The following OCIAD2 variants were observed in gnomAD, a reference collection of about 807,000 sequenced individuals.
OCIAD2 encodes OCIA domain-containing protein 2.
In OCIAD2, 29 loss-of-function variants were observed where a neutral mutation model predicts 22.9. That is an observed-to-expected ratio of 1.27 (90% confidence interval 0.94 to 1.73). The LOEUF is 1.73. Ranked by LOEUF, OCIAD2 falls within the 40% of genes most tolerant of loss-of-function variation. The probability of loss-of-function intolerance (pLI) is 0.00; values close to 1 mark genes in which losing one functional copy is unlikely to be tolerated. For synonymous variants in OCIAD2, 67 were observed against 60.2 expected (o/e 1.11, Z -0.52); for missense variants, 189 against 180.3 (o/e 1.05, Z -0.28).
At chr4:48,895,280 T>C (rs2046810947) in intron 4 of OCIAD2, among the ~76,000 whole-genome samples, 2 of 152,220 alleles carry the variant, frequency 1.3e-5, no homozygotes, top group Admixed American at 1.3e-4. Context: ...GTTAGAGAAG[T>C]TATAGAAAAC....
At chr4:48,901,461 G>T (rs1299228809) in intron 2 of OCIAD2, among the ~76,000 whole-genome samples, 1 of 124,378 alleles carries the variant, frequency 8.0e-6, no homozygotes, top group Non-Finnish European at 1.7e-5. Flanking sequence ...GCTAGGTATG[G>T]GTAAAGAAGA....
At chr4:48,889,137 T>C (rs1043251054) in intron 6 of OCIAD2, among the ~76,000 whole-genome samples, 18 of 152,376 alleles carry the variant, frequency 1.2e-4, no homozygotes, top group African/African-American at 4.3e-4. Flanking sequence ...GAGGTGTTTA[T>C]AGTATTCTCT....
rs535672780 is a variant in OCIAD2 at position 48,886,561 on chromosome 4, G to A, written c.384-996C>T. 3.2e-3 allele frequency among the ~76,000 whole-genome samples: 465 copies of A among 143,378 alleles called. 1 individual carries two copies. Among genetic ancestry groups the A allele is most frequent in the African/African-American group, 0.011 (435 of 38,366 alleles). 94.1% of individuals were successfully genotyped at this position (143,378 alleles called of 152,430 possible). A position where few individuals can be genotyped will look rare whatever the true frequency, so the allele number is the denominator to read the frequency against. On this transcript the variant is annotated intron_variant, in intron 6 of 6. Transcript: ENST00000508632. ...TGTGTTCAAGTGTTCTCATTGTTCA[G>A]TTCCCACCTATGAGTGAGAACATGC...
Position 48,894,023 on chromosome 4 carries a change from G to A in OCIAD2, c.248C>T (p.Ser83Leu). The A allele has an allele frequency of 1.3e-6, 2 of 1,514,878 alleles. No homozygotes were observed. The highest frequency in any genetic ancestry group is 1.8e-6 in the Non-Finnish European group (2 of 1,125,870). 93.8% of individuals were successfully genotyped at this position (1,514,878 alleles called of 1,614,324 possible). The change falls in exon 5 of 7, where the codon TCA (serine) becomes TTA (leucine). Residue 83 changes from serine to leucine, a missense_variant. Transcript: ENST00000508632. ...TGACTTACGTGCAACTTTGGGCAAT[G>A]ATCCAAATCTAGAATTAGCTGCCAA... ...GYLAANSRFG[S>L]LPKVALAGLL...
intron 3 of OCIAD2, among the ~76,000 whole-genome samples, 154 bp from the exon 4 acceptor site, chr4:48,898,011 A>G (rs960989266): frequency 1.3e-5 from 2 of 152,222 alleles, no homozygotes; most frequent in African/African-American, 4.8e-5. Flanking sequence ...ATATTTATTA[A>G]GTGCAGCATG....
At chr4:48,889,503 A>G (rs774798278) in intron 6 of OCIAD2, among the ~76,000 whole-genome samples, 9 of 152,268 alleles carry the variant, frequency 5.9e-5, no homozygotes, top group Non-Finnish European at 1.2e-4. Flanking sequence ...GACACATGAA[A>G]AAGGCTCACC....
chr4:48,895,810 T>G (rs1200661487), intron 4 of OCIAD2, among the ~76,000 whole-genome samples: 1 of 152,124 alleles, frequency 6.6e-6, no homozygotes, highest in African/African-American at 2.4e-5. Context: ...GGTGGGCAGA[T>G]CACTTGAGGT....
intron 4 of OCIAD2, 22 bp from the exon 5 acceptor site, chr4:48,894,075 C>T (rs1560458736): frequency 3.2e-6 from 4 of 1,243,954 alleles, no homozygotes; most frequent in Non-Finnish European, 3.3e-6. Context: ...TAAAGAAAAA[C>T]ATTATTATTT....
chr4:48,892,406 T>A (rs1239608407), intron 6 of OCIAD2, among the ~76,000 whole-genome samples: 3 of 152,150 alleles, frequency 2.0e-5, no homozygotes, highest in Non-Finnish European at 2.9e-5. Flanking sequence ...TTTAGAATCA[T>A]GATATATACA....
intron 3 of OCIAD2, among the ~76,000 whole-genome samples, chr4:48,898,379 C>T (rs1027089093): frequency 8.5e-5 from 13 of 152,160 alleles, no homozygotes; most frequent in African/African-American, 3.1e-4. Flanking sequence ...GATTTGCAAA[C>T]ATTATGACTC....
intron 4 of OCIAD2, among the ~76,000 whole-genome samples, chr4:48,895,095 A>T (rs1319909690): frequency 6.6e-6 from 1 of 152,220 alleles, no homozygotes; most frequent in African/African-American, 2.4e-5. Flanking sequence ...CCACCGGTTA[A>T]GAAATATGCA....
intron 6 of OCIAD2, among the ~76,000 whole-genome samples, chr4:48,888,693 A>T (rs1335192129): frequency 6.6e-6 from 1 of 152,140 alleles, no homozygotes; most frequent in Non-Finnish European, 1.5e-5. Context: ...AGCCCACTTG[A>T]TCATGGTGGA....
chr4:48,905,058 G>T (rs1781496909), intron 1 of OCIAD2, among the ~76,000 whole-genome samples: 2 of 152,202 alleles, frequency 1.3e-5, no homozygotes, highest in African/African-American at 4.8e-5. Flanking sequence ...GAGGATCTGT[G>T]GAGGGTAGAT....
chr4:48,885,682 G>T, intron 6 of OCIAD2, 117 bp from the exon 7 acceptor site: 1 of 636,180 alleles, frequency 1.6e-6, no homozygotes, highest in Non-Finnish European at 2.8e-6. Context: ...GATGTGGGGG[G>T]AGTCTATCTA....
intron 2 of OCIAD2, among the ~76,000 whole-genome samples, chr4:48,903,862 G>T (rs1345141147): frequency 1.3e-5 from 2 of 151,834 alleles, no homozygotes; most frequent in Non-Finnish European, 2.9e-5. Context: ...GGCCAGGATG[G>T]TCTCGATCTC....
chr4:48,902,571 G>T (rs564707158), intron 2 of OCIAD2, among the ~76,000 whole-genome samples: 1 of 152,294 alleles, frequency 6.6e-6, no homozygotes, highest in South Asian at 2.1e-4. Context: ...GCCTCCAGAT[G>T]CCCAGGGTGA....
At chr4:48,888,312 A>G (rs985929412) in intron 6 of OCIAD2, among the ~76,000 whole-genome samples, 1 of 152,108 alleles carries the variant, frequency 6.6e-6, no homozygotes, top group African/African-American at 2.4e-5. Context: ...TCTTTTCCTA[A>G]TTGAATACCC....
chr4:48,889,707 A>C (rs1165245751), intron 6 of OCIAD2, among the ~76,000 whole-genome samples: 1 of 152,220 alleles, frequency 6.6e-6, no homozygotes, highest in African/African-American at 2.4e-5. Flanking sequence ...GCAATTCCTC[A>C]AGGATCTAGA....
rs938991336 is a variant in OCIAD2, at chr4:48,900,129, C to G, written c.67-204G>C. Reference sequence around the variant, plus strand: ...ACTTAGGCAACAGAAGAATTCTAGTCGGAGAGTGGGAGTGATTCACTGACT... The same window carrying G: ...ACTTAGGCAACAGAAGAATTCTAGTGGGAGAGTGGGAGTGATTCACTGACT... On this transcript the variant is annotated intron_variant, in intron 2 of 6. Coordinates refer to ENST00000508632, the MANE Select transcript of OCIAD2 (RefSeq NM_001014446.3). 1.6e-4 allele frequency among the ~76,000 whole-genome samples: 25 copies of G among 151,812 alleles called. 1 individual carries two copies. The highest frequency in any genetic ancestry group is 1.6e-3 in the Admixed American group (25 of 15,220).
Sources: allele counts gnomAD v4.1 joint callset (sites outside exome capture counted in the v4.1 genomes callset), GRCh38; gene constraint gnomAD v4.1.1; transcripts MANE v1.5; gene names NCBI Gene and HGNC (gene_info 2026-07-23, HGNC 2026-07-21).